EPHA7: variants seen among roughly 807,000 people sequenced by gnomAD.
EPHA7 encodes ephrin type-A receptor 7.
Under a neutral mutation model 112.6 loss-of-function variants are expected in EPHA7, and 25 were observed. That is an observed-to-expected ratio of 0.22 (90% CI 0.16 to 0.31). The LOEUF is 0.31. Among genes scored for constraint, EPHA7 ranks in the 10% least tolerant of loss-of-function variants. The pLI, the probability that EPHA7 is intolerant of heterozygous loss-of-function variation, is 1.00. For missense variants in EPHA7, 962 were observed against 1,212.6 expected (o/e 0.79, Z 3.07); for synonymous variants, 437 against 406.5 (o/e 1.07, Z -0.90).
At position 93,419,280 on chromosome 6, in the gene EPHA7, A is replaced by G; in HGVS notation, c.62T>C (p.Phe21Ser). 2.5e-6 allele frequency: 4 copies of G among 1,614,070 alleles called. No individual in the cohort carries two copies. Among genetic ancestry groups the G allele is most frequent in the Non-Finnish European group, 3.4e-6 (4 of 1,179,978 alleles). ...IILCYIWLLR[F>S]AHTGEAQAAK... ...AGCCTGCGCCTCCCCTGTGTGTGCA[A>G]AGCGGAGCAGCCAGATGTAGCATAA... Residue 21 changes from phenylalanine (F) to serine (S), a missense_variant, in exon 1 of 17, where the codon TTT (phenylalanine) becomes TCT (serine). Transcript: ENST00000369303.
At chr6:93,282,558 GC>G (rs1319227451) in intron 5 of EPHA7, among the ~76,000 whole-genome samples, 1 of 152,230 alleles carries the variant, frequency 6.6e-6, no homozygotes, top group East Asian at 1.9e-4. Flanking sequence ...CACTTGAGGA[GC>G]CCTTCGACCT....
At chr6:93,375,565 C>T (rs1431395186) in intron 3 of EPHA7, among the ~76,000 whole-genome samples, 1 of 151,230 alleles carries the variant, frequency 6.6e-6, no homozygotes, top group East Asian at 1.9e-4. Context: ...TTACAGTGAG[C>T]CTAGCAGAGA....
intron 5 of EPHA7, among the ~76,000 whole-genome samples, chr6:93,314,849 T>C (rs549963937): frequency 4.9e-4 from 73 of 148,956 alleles, no homozygotes; most frequent in African/African-American, 1.7e-3. Context: ...AGACTGACAA[T>C]ATAATTTTCT....
chr6:93,245,415 A>C lies in EPHA7; in HGVS notation c.2765T>G (p.Phe922Cys), dbSNP rs749385662. The change falls in exon 16 of 17, where the codon TTC (phenylalanine) becomes TGC (cysteine). Residue 922 changes from phenylalanine to cysteine, a missense_variant. Transcript: ENST00000369303. ...TTCTCCAACTGAACAAAAGGTAGTG[A>C]AATCAGGAGTGTTTTGATCCAGAAG... is the stretch of plus-strand genomic sequence containing the variant. Reference protein sequence around the residue: ...SPLLDQNTPDFTTFCSVGEWL... With the variant: ...SPLLDQNTPDCTTFCSVGEWL... 2 of 1,613,808 alleles carry C rather than the reference A, an allele frequency of 1.2e-6. No individual in the cohort carries two copies. Among genetic ancestry groups the C allele is most frequent in the Non-Finnish European group, 1.7e-6 (2 of 1,179,880 alleles).
intron 5 of EPHA7, among the ~76,000 whole-genome samples, chr6:93,323,245 C>T (rs1774165347): frequency 6.6e-6 from 1 of 151,518 alleles, no homozygotes; most frequent in Non-Finnish European, 1.5e-5. Context: ...GGAGTAAACA[C>T]ATGATTCCTT....
chr6:93,269,723 C>A lies in EPHA7; in HGVS notation c.1450-63G>T. On this transcript the variant is annotated intron_variant, in intron 6 of 16. Transcript: ENST00000369303. ...TGCAACCAGACAATTTGACAGCCAA[C>A]TGTTTCAATTTAATTCAATTTGCTC... is the stretch of plus-strand genomic sequence containing the variant. The A allele has an allele frequency of 2.3e-6, 3 of 1,312,838 alleles. No individual in the cohort carries two copies. In the South Asian group the frequency reaches 4.8e-5, roughly 21 times the overall value. 81.3% of individuals were successfully genotyped at this position (1,312,838 alleles called of 1,614,324 possible).
chr6:93,353,502 C>T (rs888458790), intron 5 of EPHA7, among the ~76,000 whole-genome samples: 2 of 152,144 alleles, frequency 1.3e-5, no homozygotes, highest in South Asian at 2.1e-4. Flanking sequence ...TGTTATAATA[C>T]GTTAACTGCC....
At chr6:93,296,680 A>C (rs2127843988) in intron 5 of EPHA7, among the ~76,000 whole-genome samples, 1 of 151,864 alleles carries the variant, frequency 6.6e-6, no homozygotes, top group East Asian at 1.9e-4. Context: ...AATAATGGTT[A>C]CCAGGGATAA....
At chr6:93,416,258 A>G (rs1327773156) in intron 1 of EPHA7, among the ~76,000 whole-genome samples, 2 of 152,140 alleles carry the variant, frequency 1.3e-5, no homozygotes, top group Non-Finnish European at 2.9e-5. Context: ...ATCCTCAACA[A>G]CAGACATGAA....
intron 5 of EPHA7, among the ~76,000 whole-genome samples, chr6:93,300,687 G>T (rs932092013): frequency 6.6e-6 from 1 of 152,016 alleles, no homozygotes; most frequent in Admixed American, 6.6e-5. Context: ...AAATATTTCA[G>T]ATTTATTTAG....
At chr6:93,336,920 C>CT (rs1286130922) in intron 5 of EPHA7, among the ~76,000 whole-genome samples, 2 of 150,318 alleles carry the variant, frequency 1.3e-5, no homozygotes, top group African/African-American at 4.9e-5. Flanking sequence ...AACAAAGAAG[C>CT]TTTTATCAGC....
intron 5 of EPHA7, among the ~76,000 whole-genome samples, chr6:93,315,722 T>C (rs1175261876): frequency 1.3e-5 from 2 of 152,222 alleles, no homozygotes; most frequent in African/African-American, 2.4e-5. Context: ...GCTGATCTTT[T>C]CTTGTTCAAC....
chr6:93,387,405 C>T (rs1026316432), intron 3 of EPHA7, among the ~76,000 whole-genome samples: 2 of 152,106 alleles, frequency 1.3e-5, no homozygotes, highest in African/African-American at 4.8e-5. Context: ...TTCAATAAGT[C>T]TCTAGGAAAT....
intron 3 of EPHA7, among the ~76,000 whole-genome samples, chr6:93,388,850 A>G (rs1777762161): frequency 6.6e-6 from 1 of 152,124 alleles, no homozygotes; most frequent in Non-Finnish European, 1.5e-5. Flanking sequence ...ATTAAGAAAG[A>G]TCTTAGAAAC....
intron 5 of EPHA7, among the ~76,000 whole-genome samples, chr6:93,324,586 T>C (rs1303162109): frequency 6.6e-6 from 1 of 151,418 alleles, no homozygotes; most frequent in East Asian, 1.9e-4. Context: ...TCTCAACATA[T>C]GTATCCTACC....
chr6:93,245,157 G>GT (rs1386258536), intron 16 of EPHA7, 141 bp downstream of exon 16: 6 of 752,434 alleles, frequency 8.0e-6, no homozygotes, highest in Non-Finnish European at 1.2e-5. Flanking sequence ...CTGGTACGCA[G>GT]TAAGAACTTG....
intron 5 of EPHA7, among the ~76,000 whole-genome samples, chr6:93,308,038 T>C (rs1397362388): frequency 6.6e-6 from 1 of 152,152 alleles, no homozygotes; most frequent in East Asian, 1.9e-4. Flanking sequence ...GTGCAGGGTG[T>C]AGGCTGGGAG....
intron 5 of EPHA7, among the ~76,000 whole-genome samples, chr6:93,336,323 T>C (rs1774868163): frequency 2.0e-5 from 3 of 152,276 alleles, no homozygotes; most frequent in South Asian, 4.1e-4. Flanking sequence ...ATGTTACAAA[T>C]TGCTTGGATT....
rs140478497 is a variant in EPHA7 at position 93,336,261 on chromosome 6, C to T, written c.1324+20456G>A. On this transcript the variant is annotated intron_variant, in intron 5 of 16. Transcript: ENST00000369303. ...CTTCAATGAGTTTAGCATCAGAAAA[C>T]GAGGCAAATGCAAGGTATACATGAA... Among the ~76,000 whole-genome samples the T allele has an allele frequency of 5.0e-3, 757 of 152,194 alleles. 3 individuals carry two copies. Among genetic ancestry groups the T allele is most frequent in the African/African-American group, 0.017 (688 of 41,544 alleles).
Sources: gnomAD v4.1 joint callset for allele counts (sites outside exome capture counted in the v4.1 genomes callset) on GRCh38, gnomAD v4.1.1 for gene constraint, MANE v1.5 for transcripts, NCBI Gene and HGNC (gene_info 2026-07-23, HGNC 2026-07-21) for gene names.